RNF44: variants seen among roughly 807,000 people sequenced by gnomAD.
RNF44 encodes ring finger protein 44.
In RNF44, 25 loss-of-function variants were observed where a neutral mutation model predicts 53.6. The observed-to-expected ratio is 0.47, with a 90% CI of 0.34 to 0.65. RNF44 has a LOEUF of 0.65. RNF44 is among the 30% of genes least tolerant of loss of function. The pLI, the probability that RNF44 is intolerant of heterozygous loss-of-function variation, is 0.01. For synonymous variants in RNF44, 282 were observed against 252.2 expected (o/e 1.12, Z -1.12); for missense variants, 581 against 595.5 (o/e 0.98, Z 0.25).
At chr5:176,540,111 T>C (rs995872235), upstream of RNF44, among the ~76,000 whole-genome samples, 14 of 152,214 alleles carry the variant, frequency 9.2e-5, no homozygotes, top group Non-Finnish European at 1.6e-4. Context: ...CCCCAGCCTT[T>C]ACCTCATGCC....
In RNF44 at chr5:176,528,654, TG is replaced by T; in HGVS notation, c.*373del. 3.6e-6 allele frequency: 1 copy of T among 280,638 alleles called. No individual in the cohort carries two copies. The highest frequency in any genetic ancestry group is 5.7e-5 in the South Asian group (1 of 17,490). The allele number at this position is 280,638 out of a possible 1,614,324, so 17.4% of individuals were successfully genotyped here. On this transcript the variant is annotated 3_prime_UTR_variant, in exon 11 of 11. Coordinates refer to ENST00000274811, the MANE Select transcript of RNF44 (RefSeq NM_014901.5). ...GAGCATGAGACCTTCTGACCCAGGATGGTGCTCTGTCTGCCCATCCTGGGGC... is the reference window on the plus strand; with the variant it reads ...GAGCATGAGACCTTCTGACCCAGGATGTGCTCTGTCTGCCCATCCTGGGGC...
At chr5:176,535,693 CTCTT>C (rs1757088548) in intron 1 of RNF44, among the ~76,000 whole-genome samples, 1 of 152,184 alleles carries the variant, frequency 6.6e-6, no homozygotes, top group African/African-American at 2.4e-5. Flanking sequence ...GGAGAGCACT[CTCTT>C]TCAGGCACCC....
rs751653848 is a variant in RNF44 at position 176,532,475 on chromosome 5, G to C, written c.-3C>G. ...ACTGCCAGAGCCCATGGTCGCATCG[G>C]GGGGGCAGGGGGGTGGAGGGGCTGG... is the stretch of plus-strand genomic sequence containing the variant. On this transcript the variant is annotated 5_prime_UTR_variant, in exon 2 of 11. Transcript: ENST00000274811. 2.5e-6 allele frequency: 4 copies of C among 1,575,886 alleles called. No homozygotes were observed. The highest frequency in any genetic ancestry group is 3.4e-6 in the Non-Finnish European group (4 of 1,165,178).
rs1347687591 is a variant in RNF44 at position 176,530,400 on chromosome 5, C to T, written c.801+182G>A. 3.7e-4 allele frequency among the ~76,000 whole-genome samples: 39 copies of T among 104,874 alleles called. 1 individual carries two copies. Among genetic ancestry groups the T allele is most frequent in the South Asian group, 1.9e-3 (6 of 3,168 alleles). The allele number at this position is 104,874 out of a possible 152,430, so 68.8% of individuals were successfully genotyped here. A position where few individuals can be genotyped will look rare whatever the true frequency, so the allele number is the denominator to read the frequency against. On this transcript the variant is annotated intron_variant, in intron 6 of 10. Transcript: ENST00000274811. The stretch of plus-strand genomic sequence containing the variant: ...CAGCCCGGTGGGCCTGCCTCCCAGC[C>T]GCCCCGGAGCCCAGGTGCAAGTCAG...
chr5:176,541,210 G>A (rs1215356230), upstream of RNF44, among the ~76,000 whole-genome samples: 1 of 152,152 alleles, frequency 6.6e-6, no homozygotes, highest in East Asian at 1.9e-4. Context: ...GGGGGTCCTA[G>A]AGTCTTCTAC....
upstream of RNF44, among the ~76,000 whole-genome samples, chr5:176,541,337 G>A (rs1210079385): frequency 1.3e-5 from 2 of 152,180 alleles, no homozygotes; most frequent in Non-Finnish European, 2.9e-5. Context: ...CCAGTGTCAT[G>A]CAGCCATCAA....
chr5:176,532,113 G>A lies in RNF44; in HGVS notation c.188C>T (p.Pro63Leu). 6.3e-7 allele frequency: 1 copy of A among 1,591,020 alleles called. No homozygotes were observed. Residue 63 changes from proline (P) to leucine (L), a missense_variant, in exon 3 of 11, where the codon CCA (proline) becomes CTA (leucine). By Grantham distance (98) the Pro-to-Leu change is moderately conservative. Around this residue, in one of 3 missense-constraint regions of RNF44, gnomAD observed 387 missense variants for 366.0 expected, o/e 1.06. Transcript: ENST00000274811. ...LPSQQPPSRPPHLPVEERRAS... is the reference protein window; with the variant it reads ...LPSQQPPSRPLHLPVEERRAS... ...TCGGCGCTCCTCTACGGGGAGGTGTGGAGGTCGGGACGGCGGCTGCTGGGA... is the reference window on the plus strand; with the variant it reads ...TCGGCGCTCCTCTACGGGGAGGTGTAGAGGTCGGGACGGCGGCTGCTGGGA...
upstream of RNF44, among the ~76,000 whole-genome samples, chr5:176,538,420 T>C (rs1757360561): frequency 6.6e-6 from 1 of 152,204 alleles, no homozygotes; most frequent in Non-Finnish European, 1.5e-5. Context: ...CGTTCTCCTT[T>C]GCCTCGAAGC....
At chr5:176,542,032 G>A (rs909760050), upstream of RNF44, among the ~76,000 whole-genome samples, 6 of 152,030 alleles carry the variant, frequency 3.9e-5, no homozygotes, top group African/African-American at 1.5e-4. Flanking sequence ...CCCTTAAGTG[G>A]CTGTGCGTGC....
Position 176,531,026 on chromosome 5 carries a change from C to T in RNF44, c.466-5G>A, listed in dbSNP as rs759150867. 2.1e-5 allele frequency: 30 copies of T among 1,434,094 alleles called. No homozygotes were observed. Among genetic ancestry groups the T allele is most frequent in the Middle Eastern group, 2.1e-4 (1 of 4,690 alleles). The allele number at this position is 1,434,094 out of a possible 1,614,324, so 88.8% of individuals were successfully genotyped here. A position where few individuals can be genotyped will look rare whatever the true frequency, so the allele number is the denominator to read the frequency against. ...CATGGTGCACGCCTGGATAAGCTGC[C>T]AAGAGAGGGGGCAGGGGGCTGAGAA... On this transcript the variant is annotated splice_polypyrimidine_tract_variant and splice_region_variant and intron_variant, in intron 4 of 10. Transcript: ENST00000274811. This position sits in a 1 kb window ranked among gnomAD's most constrained non-coding sequence, Gnocchi z 4.2.
Position 176,531,830 on chromosome 5 carries a change from G to A in RNF44, c.297+174C>T, listed in dbSNP as rs1203073196. The A allele has an allele frequency of 1.2e-6, 1 of 855,858 alleles. No homozygotes were observed. Among genetic ancestry groups the A allele is most frequent in the Admixed American group, 3.0e-5 (1 of 33,524 alleles). The allele number at this position is 855,858 out of a possible 1,614,324, so 53.0% of individuals were successfully genotyped here. A position where few individuals can be genotyped will look rare whatever the true frequency, so the allele number is the denominator to read the frequency against. On this transcript the variant is annotated intron_variant, in intron 3 of 10. Coordinates refer to ENST00000274811, the MANE Select transcript of RNF44 (RefSeq NM_014901.5). The surrounding 1 kb of genome is among the most constrained non-coding windows in gnomAD (Gnocchi z 4.2). The stretch of plus-strand genomic sequence containing the variant: ...GCCCCGTGGGAATCTAGCTCTGCTA[G>A]TCACCCAGTGTGGCCCTTTCCCCGG...
chr5:176,530,859 G>A lies in RNF44; in HGVS notation c.628C>T (p.His210Tyr). The A allele has an allele frequency of 7.1e-7, 1 of 1,414,328 alleles. No individual in the cohort carries two copies. The highest frequency in any genetic ancestry group is 2.9e-5 in the East Asian group (1 of 34,184). The allele number at this position is 1,414,328 out of a possible 1,614,324, so 87.6% of individuals were successfully genotyped here. ...LGQFVSLQTQ[H>Y]PRMPLQRLDN... Reference sequence around the variant, plus strand: ...CCATGCCGACTCACCATCCGAGGGTGCTGGGTCTGCAGAGACACAAACTGC... The same window carrying A: ...CCATGCCGACTCACCATCCGAGGGTACTGGGTCTGCAGAGACACAAACTGC... Residue 210 changes from histidine to tyrosine, a missense_variant, in exon 5 of 11, where the codon CAC becomes TAC. Transcript: ENST00000274811.
At position 176,528,070 on chromosome 5, in the gene RNF44, G is replaced by A. The variant is rs947639278; in HGVS notation, c.*958C>T. 4.4e-4 allele frequency: 68 copies of A among 152,822 alleles called. No individual in the cohort carries two copies. Among genetic ancestry groups the A allele is most frequent in the Admixed American group, 8.5e-4 (13 of 15,264 alleles). The allele number at this position is 152,822 out of a possible 1,614,324, so 9.5% of individuals were successfully genotyped here. A position where few individuals can be genotyped will look rare whatever the true frequency, so the allele number is the denominator to read the frequency against. Reference sequence around the variant, plus strand: ...GACCGCCGGCCGCCCAGCCCAGCCCGGCACACGCATGCATGCAGGCCGGCC... The same window carrying A: ...GACCGCCGGCCGCCCAGCCCAGCCCAGCACACGCATGCATGCAGGCCGGCC... On this transcript the variant is annotated 3_prime_UTR_variant, in exon 11 of 11. Coordinates refer to ENST00000274811, the MANE Select transcript of RNF44 (RefSeq NM_014901.5).
chr5:176,529,393 G>A lies in RNF44; in HGVS notation c.1137-6C>T, dbSNP rs570942990. The A allele has an allele frequency of 1.2e-6, 2 of 1,609,280 alleles. No individual in the cohort carries two copies. Among genetic ancestry groups the A allele is most frequent in the South Asian group, 2.2e-5 (2 of 90,924 alleles). On this transcript the variant is annotated splice_region_variant and splice_polypyrimidine_tract_variant and intron_variant, in intron 9 of 10. Transcript: ENST00000274811. ...CACTGAAGCAGACCACACACCTGTG[G>A]AGGGGCGCGGAGCGTCACCTCCACG...
At chr5:176,532,885 G>A (rs941710099) in intron 1 of RNF44, among the ~76,000 whole-genome samples, 2 of 151,958 alleles carry the variant, frequency 1.3e-5, no homozygotes, top group Non-Finnish European at 2.9e-5. Flanking sequence ...CCCCTCCTCC[G>A]AGCCCTGGGG....
chr5:176,529,763 C>T lies in RNF44; in HGVS notation c.982G>A (p.Asp328Asn), dbSNP rs1464639145. 1 of 1,612,336 alleles carries T rather than the reference C, an allele frequency of 6.2e-7. No homozygotes were observed. The highest frequency in any genetic ancestry group is 1.7e-5 in the Admixed American group (1 of 59,862). ...AMGPTISLDL[D>N]VDDVEMENYE... ...TTCTCCATCTCCACATCATCCACGT[C>T]CAGGTCCAGGCTGATGGTGGGCCCC... The change falls in exon 8 of 11, where the codon GAC (aspartate) becomes AAC (asparagine). Residue 328 changes from aspartate (D) to asparagine (N), a missense_variant. This residue lies in a region of RNF44 where 183 missense variants were observed against 198.6 expected (regional missense o/e 0.92). Transcript: ENST00000274811.
upstream of RNF44, among the ~76,000 whole-genome samples, chr5:176,540,147 C>T (rs1757415198): frequency 1.3e-5 from 2 of 152,304 alleles, no homozygotes; most frequent in African/African-American, 4.8e-5. Flanking sequence ...AGTCCTGTCA[C>T]AATCGCTGTG....
At chr5:176,537,419 G>T (rs62404660), upstream of RNF44, 9,248 of 152,224 alleles carry the variant, frequency 0.061, 311 homozygotes, top group Middle Eastern at 0.13. Flanking sequence ...GCCCCGCCCC[G>T]CGCCGGGAGC....
chr5:176,530,057 C>A, intron 7 of RNF44, 25 bp downstream of exon 7: 1 of 1,117,262 alleles, frequency 9.0e-7, no homozygotes, highest in Non-Finnish European at 1.1e-6. Context: ...CATCAGGGAC[C>A]TGGGGCGGAT....
Sources: gnomAD v4.1 joint callset for allele counts (sites outside exome capture counted in the v4.1 genomes callset) on GRCh38, gnomAD v4.1.1 for gene constraint, gnomAD v4.1.1 regional missense constraint, Gnocchi (gnomAD v3.1) non-coding constraint, MANE v1.5 for transcripts, NCBI Gene and HGNC (gene_info 2026-07-23, HGNC 2026-07-21) for gene names.